The following PTAR1 variants were observed in gnomAD, a reference collection of about 807,000 sequenced individuals.
PTAR1 encodes the protein protein prenyltransferase alpha subunit repeat-containing protein 1.
PTAR1 carries 17 observed loss-of-function variants against 45.5 expected under a neutral mutation model. The ratio of observed to expected loss-of-function variants is 0.37; its 90% confidence interval spans 0.26 to 0.56. The LOEUF is 0.56. PTAR1 is among the 20% of genes least tolerant of loss of function. The probability of loss-of-function intolerance (pLI) is 0.77; values close to 1 mark genes in which losing one functional copy is unlikely to be tolerated. For missense variants in PTAR1, 391 were observed against 476.3 expected (o/e 0.82, Z 1.67); for synonymous variants, 169 against 171.3 (o/e 0.99, Z 0.11).
chr9:69,748,140 G>A (rs946253704), intron 2 of PTAR1, among the ~76,000 whole-genome samples: 3 of 152,106 alleles, frequency 2.0e-5, no homozygotes, highest in Admixed American at 2.0e-4. Context: ...TGAAGGCCTG[G>A]TCAGCCAAAG....
rs1222489307 is a variant in PTAR1, at chr9:69,714,903, GAA to G, written c.*3437_*3438del. 6.6e-6 allele frequency: 1 copy of G among 152,036 alleles called. No individual in the cohort carries two copies. The highest frequency in any genetic ancestry group is 1.5e-5 in the Non-Finnish European group (1 of 67,984). The allele number at this position is 152,036 out of a possible 1,614,324, so 9.4% of individuals were successfully genotyped here. ...ACTCATACAGATTTAAGAAATATCT[GAA>G]AGAGTCACAGTTCAAGTTGCGGGGA... On this transcript the variant is annotated 3_prime_UTR_variant, in exon 8 of 8. Coordinates refer to ENST00000340434, the MANE Select transcript of PTAR1 (RefSeq NM_001099666.2).
At chr9:69,749,915 C>G (rs1410196346) in intron 2 of PTAR1, among the ~76,000 whole-genome samples, 1 of 152,042 alleles carries the variant, frequency 6.6e-6, no homozygotes, top group East Asian at 1.9e-4. Context: ...AAACTGGCAA[C>G]TAAAATTCTC....
At chr9:69,746,788 T>C (rs1826294287) in intron 2 of PTAR1, among the ~76,000 whole-genome samples, 1 of 152,186 alleles carries the variant, frequency 6.6e-6, no homozygotes. Context: ...CTACAGAAGT[T>C]GGAGAAAAAT....
chr9:69,756,280 T>A (rs1273947288), intron 1 of PTAR1, among the ~76,000 whole-genome samples: 1 of 152,206 alleles, frequency 6.6e-6, no homozygotes, highest in Non-Finnish European at 1.5e-5. Flanking sequence ...TCAGTTTAAA[T>A]GCTATTGCCT....
At chr9:69,720,509 G>A (rs1478349033) in intron 6 of PTAR1, among the ~76,000 whole-genome samples, 1 of 152,188 alleles carries the variant, frequency 6.6e-6, no homozygotes, top group Non-Finnish European at 1.5e-5. Context: ...AGCAAATGCT[G>A]ATGTAGAAGC....
intron 2 of PTAR1, among the ~76,000 whole-genome samples, chr9:69,749,172 T>C (rs1826413443): frequency 6.6e-6 from 1 of 152,074 alleles, no homozygotes; most frequent in South Asian, 2.1e-4. Context: ...AACAGAGAAA[T>C]GGAGAGGACT....
In PTAR1 at chr9:69,759,985, G is replaced by T; in HGVS notation, c.-47C>A. ...TCGGGCGCGCCTCCGCGTGAGCCGG[G>T]CCGCCGGCGGGAGTTCCGCGGAGAA... is the stretch of plus-strand genomic sequence containing the variant. On this transcript the variant is annotated 5_prime_UTR_variant, in exon 1 of 8. Coordinates refer to ENST00000340434, the MANE Select transcript of PTAR1 (RefSeq NM_001099666.2). 7.1e-7 allele frequency: 1 copy of T among 1,409,500 alleles called. No individual in the cohort carries two copies. The highest frequency in any genetic ancestry group is 2.2e-4 in the Middle Eastern group (1 of 4,538). The allele number at this position is 1,409,500 out of a possible 1,614,324, so 87.3% of individuals were successfully genotyped here.
Position 69,746,276 on chromosome 9 carries a change from T to TC in PTAR1, c.257-4419_257-4418insG, listed in dbSNP as rs1330207965. Among the ~76,000 whole-genome samples, 3 of 152,232 alleles carry TC rather than the reference T, an allele frequency of 2.0e-5. No individual in the cohort carries two copies. In the East Asian group the frequency reaches 5.8e-4, roughly 29 times the overall value. ...AACAACCCTCTGAGGTCTTGATTAG[T>TC]ATTTCCTTCTTTTGGTGTGGAAATA... is the stretch of plus-strand genomic sequence containing the variant. On this transcript the variant is annotated intron_variant, in intron 2 of 7. Coordinates refer to ENST00000340434, the MANE Select transcript of PTAR1 (RefSeq NM_001099666.2).
At chr9:69,750,002 G>A (rs1275712896) in intron 2 of PTAR1, among the ~76,000 whole-genome samples, 4 of 152,036 alleles carry the variant, frequency 2.6e-5, no homozygotes, top group Non-Finnish European at 5.9e-5. Context: ...TACATGGGAA[G>A]GGGAAGAAGC....
chr9:69,747,807 T>C (rs942641697), intron 2 of PTAR1, among the ~76,000 whole-genome samples: 1 of 152,148 alleles, frequency 6.6e-6, no homozygotes, highest in African/African-American at 2.4e-5. Flanking sequence ...CCAAAATGTA[T>C]CTAGATTAGC....
intron 1 of PTAR1, among the ~76,000 whole-genome samples, chr9:69,751,512 T>C (rs1564147555): frequency 6.6e-6 from 1 of 152,094 alleles, no homozygotes; most frequent in African/African-American, 2.4e-5. Flanking sequence ...AGAAGATATA[T>C]AGATGCATTA....
intron 1 of PTAR1, chr9:69,758,800 G>C (rs10780612): frequency 0.42 from 83,383 of 197,036 alleles, 18,381 homozygotes; most frequent in East Asian, 0.52. Context: ...AAAAAATCAT[G>C]AGCTCCAGTC....
At chr9:69,719,793 T>G (rs1824903171) in intron 6 of PTAR1, among the ~76,000 whole-genome samples, 1 of 152,170 alleles carries the variant, frequency 6.6e-6, no homozygotes, top group Non-Finnish European at 1.5e-5. Context: ...TTGGTAACAT[T>G]ACTAATATTT....
rs573011207 is a variant in PTAR1, at chr9:69,723,622, A to G, written c.651T>C (p.Leu217=). The G allele has an allele frequency of 1.2e-6, 2 of 1,600,026 alleles. No individual in the cohort carries two copies. The highest frequency in any genetic ancestry group is 2.7e-5 in the African/African-American group (2 of 74,430). ...AATGTTTAGTAGAAGATAGTTCATC[A>G]AGAAGAATCTTTTAAGAAGAAAAAA... is the stretch of plus-strand genomic sequence containing the variant. ...HLAKLDVKIL[L]DELSSTKHWA... is the part of the protein sequence containing the mutation. The change falls in exon 6 of 8, where the codon CTT becomes CTC. Residue 217 remains leucine (L), a synonymous_variant. Transcript: ENST00000340434.
chr9:69,732,621 T>G (rs1588459487), intron 4 of PTAR1, among the ~76,000 whole-genome samples: 1 of 152,252 alleles, frequency 6.6e-6, no homozygotes, highest in South Asian at 2.1e-4. Flanking sequence ...TCATTACTTC[T>G]AAAATGACAA....
At chr9:69,744,925 T>C (rs528690209) in intron 2 of PTAR1, among the ~76,000 whole-genome samples, 4 of 152,284 alleles carry the variant, frequency 2.6e-5, no homozygotes, top group African/African-American at 4.8e-5. Flanking sequence ...GGTAAGAGGA[T>C]AGGCCTTCCT....
rs41277931 is a variant in PTAR1, at chr9:69,716,030, G to A, written c.*2312C>T. 2.4e-3 allele frequency: 363 copies of A among 152,226 alleles called. No homozygotes were observed. The highest frequency in any genetic ancestry group is 5.3e-3 in the Admixed American group (81 of 15,264). The allele number at this position is 152,226 out of a possible 1,614,324, so 9.4% of individuals were successfully genotyped here. A position where few individuals can be genotyped will look rare whatever the true frequency, so the allele number is the denominator to read the frequency against. On this transcript the variant is annotated 3_prime_UTR_variant, in exon 8 of 8. Coordinates refer to ENST00000340434, the MANE Select transcript of PTAR1 (RefSeq NM_001099666.2). ...AGATAGGCAAGATAATCAGTGGAAG[G>A]TACACAAAGGCATGGAGCACTATAA...
chr9:69,737,215 G>T (rs1166196143), intron 3 of PTAR1, among the ~76,000 whole-genome samples: 3 of 151,882 alleles, frequency 2.0e-5, no homozygotes, highest in Non-Finnish European at 4.4e-5. Context: ...AAGCAGCTGG[G>T]ACCACAGGCA....
In PTAR1 at chr9:69,712,153, C is replaced by G; in HGVS notation, c.*6189G>C. On this transcript the variant is annotated 3_prime_UTR_variant, in exon 8 of 8. Coordinates refer to ENST00000340434, the MANE Select transcript of PTAR1 (RefSeq NM_001099666.2). ...CTATCACCTTATAATGATAAATAAG[C>G]AATCTAAAGTATGCTGCATAGTACC... 1 of 152,186 alleles carries G rather than the reference C, an allele frequency of 6.6e-6. No homozygotes were observed. The allele number at this position is 152,186 out of a possible 1,614,324, so 9.4% of individuals were successfully genotyped here.
Sources: gnomAD v4.1 joint callset for allele counts (sites outside exome capture counted in the v4.1 genomes callset) on GRCh38, gnomAD v4.1.1 for gene constraint, MANE v1.5 for transcripts, NCBI Gene and HGNC (gene_info 2026-07-23, HGNC 2026-07-21) for gene names.